EXOC6B: variants seen among roughly 807,000 people sequenced by gnomAD.
The protein encoded by EXOC6B is SEC15 homolog B.
EXOC6B carries 54 observed loss-of-function variants against 113.5 expected under a neutral mutation model. The observed-to-expected ratio is 0.48, with a 90% CI of 0.38 to 0.60. The LOEUF (loss-of-function observed/expected upper bound fraction) is 0.60, where lower values mean the gene tolerates loss of function less well. Ranked by LOEUF, EXOC6B falls within the 20% of genes least tolerant of loss-of-function variation. EXOC6B has a pLI of 0.00. For missense variants in EXOC6B, 797 were observed against 977.5 expected (o/e 0.82, Z 2.46); for synonymous variants, 357 against 339.0 (o/e 1.05, Z -0.58).
chr2:72,777,863 G>T (rs998306921), intron 1 of EXOC6B, among the ~76,000 whole-genome samples: 1 of 151,956 alleles, frequency 6.6e-6, no homozygotes, highest in Non-Finnish European at 1.5e-5. Flanking sequence ...AACTAAATTG[G>T]TATCAAACCA....
At chr2:72,700,365 T>C (rs114738283) in intron 6 of EXOC6B, among the ~76,000 whole-genome samples, 2,216 of 152,108 alleles carry the variant, frequency 0.015, 25 homozygotes, top group Non-Finnish European at 0.025. Context: ...CTTAAGGAAA[T>C]TGAAGAACAG....
At chr2:72,512,976 A>G (rs1701022946) in intron 11 of EXOC6B, among the ~76,000 whole-genome samples, 156 bp downstream of exon 11, 1 of 152,134 alleles carries the variant, frequency 6.6e-6, no homozygotes, top group African/African-American at 2.4e-5. Flanking sequence ...AGAAAATGTG[A>G]TAATTTGAAG....
intron 8 of EXOC6B, 177 bp from the exon 9 acceptor site, chr2:72,515,303 AC>A: frequency 1.2e-6 from 1 of 851,608 alleles, no homozygotes; most frequent in Admixed American, 2.9e-5. Context: ...CATGTATTGA[AC>A]CTTAGTTACA....
intron 20 of EXOC6B, among the ~76,000 whole-genome samples, chr2:72,244,712 G>T (rs1682544317): frequency 6.6e-6 from 1 of 151,786 alleles, no homozygotes; most frequent in Admixed American, 6.6e-5. Flanking sequence ...ATGAAAAAGG[G>T]GCTATCATGA....
chr2:72,277,691 AC>A (rs1285683921), intron 20 of EXOC6B, among the ~76,000 whole-genome samples: 1 of 151,978 alleles, frequency 6.6e-6, no homozygotes, highest in Non-Finnish European at 1.5e-5. Flanking sequence ...GTGAGGTTTC[AC>A]CATGTCAGAC....
At chr2:72,667,654 G>A (rs760769633) in intron 6 of EXOC6B, among the ~76,000 whole-genome samples, 6 of 152,120 alleles carry the variant, frequency 3.9e-5, no homozygotes, top group Non-Finnish European at 7.4e-5. Flanking sequence ...ATGGTACTGG[G>A]ATAACTGGTT....
intron 6 of EXOC6B, among the ~76,000 whole-genome samples, chr2:72,668,462 A>C (rs1210914898): frequency 6.6e-6 from 1 of 151,982 alleles, no homozygotes; most frequent in East Asian, 1.9e-4. Context: ...AAAAAAATGC[A>C]ACCCATATCT....
chr2:72,522,806 G>A (rs368786879), intron 8 of EXOC6B, among the ~76,000 whole-genome samples: 5 of 152,016 alleles, frequency 3.3e-5, no homozygotes, highest in Admixed American at 1.3e-4. Flanking sequence ...ACATATACAC[G>A]CATATAAATA....
chr2:72,461,988 A>C (rs1305637246), intron 18 of EXOC6B: 1 of 152,080 alleles, frequency 6.6e-6, no homozygotes, highest in Non-Finnish European at 1.5e-5. Flanking sequence ...TTTTGCTTAC[A>C]AATGAATTTC....
rs188671237 is a variant in EXOC6B at position 72,766,309 on chromosome 2, C to T, written c.114-24840G>A. On this transcript the variant is annotated intron_variant, in intron 1 of 21. Transcript: ENST00000272427. ...AAAAGTGGGAGCAGAGGGGAGGGAC[C>T]TTCACTTAAGGAAGAAAACACTATC... Among the ~76,000 whole-genome samples the T allele has an allele frequency of 7.2e-5, 11 of 152,240 alleles. 1 individual carries two copies. The highest frequency in any genetic ancestry group is 7.2e-4 in the Admixed American group (11 of 15,286).
chr2:72,657,075 T>G (rs1277187251), intron 6 of EXOC6B, among the ~76,000 whole-genome samples: 1 of 152,078 alleles, frequency 6.6e-6, no homozygotes, highest in Admixed American at 6.6e-5. Context: ...GATCTTGAAC[T>G]CCCGACCTCA....
chr2:72,363,641 A>T (rs1690449933), intron 19 of EXOC6B, among the ~76,000 whole-genome samples: 1 of 152,064 alleles, frequency 6.6e-6, no homozygotes, highest in African/African-American at 2.4e-5. Flanking sequence ...AAATAGGAGC[A>T]GCTAATAATT....
chr2:72,318,976 C>T lies in EXOC6B; in HGVS notation c.2196+15971G>A, dbSNP rs182278368. 1.4e-3 allele frequency among the ~76,000 whole-genome samples: 216 copies of T among 150,952 alleles called. 1 individual carries two copies. Among genetic ancestry groups the T allele is most frequent in the Admixed American group, 6.8e-3 (103 of 15,170 alleles). ...AAAACTGATGCATGATTATACTTCC[C>T]GAAATAATTTAAATTGGTATAACCC... is the stretch of plus-strand genomic sequence containing the variant. On this transcript the variant is annotated intron_variant, in intron 20 of 21. Coordinates refer to ENST00000272427, the MANE Select transcript of EXOC6B (RefSeq NM_015189.3).
intron 11 of EXOC6B, among the ~76,000 whole-genome samples, chr2:72,500,828 A>G (rs146267488): frequency 6.6e-6 from 1 of 152,296 alleles, no homozygotes; most frequent in East Asian, 1.9e-4. Context: ...TGGTCTCTCA[A>G]GTCCTGAAAG....
At chr2:72,397,060 T>A (rs1398670736) in intron 18 of EXOC6B, among the ~76,000 whole-genome samples, 1 of 152,070 alleles carries the variant, frequency 6.6e-6, no homozygotes, top group East Asian at 1.9e-4. Context: ...TAATAATCCA[T>A]GGCAATTACA....
intron 6 of EXOC6B, among the ~76,000 whole-genome samples, chr2:72,589,294 C>T (rs1045475173): frequency 6.6e-6 from 1 of 151,664 alleles, no homozygotes; most frequent in African/African-American, 2.4e-5. Flanking sequence ...TTTTTAAAAC[C>T]ACAACACTTT....
intron 20 of EXOC6B, among the ~76,000 whole-genome samples, chr2:72,208,952 G>A (rs934350318): frequency 6.6e-6 from 1 of 151,974 alleles, no homozygotes; most frequent in African/African-American, 2.4e-5. Flanking sequence ...TGCTGGGCAC[G>A]GTGGCTCATG....
intron 8 of EXOC6B, among the ~76,000 whole-genome samples, chr2:72,538,076 C>T (rs1380719513): frequency 6.6e-6 from 1 of 151,550 alleles, no homozygotes; most frequent in African/African-American, 2.4e-5. Context: ...TCCCACCTCA[C>T]CTCCCAAAGT....
At chr2:72,355,904 T>A (rs1284431251) in intron 19 of EXOC6B, among the ~76,000 whole-genome samples, 3 of 152,200 alleles carry the variant, frequency 2.0e-5, no homozygotes, top group African/African-American at 7.2e-5. Context: ...TTTATTGGGT[T>A]CAAACTTCCT....
Sources: gnomAD v4.1 joint callset for allele counts (sites outside exome capture counted in the v4.1 genomes callset) on GRCh38, gnomAD v4.1.1 for gene constraint, MANE v1.5 for transcripts, NCBI Gene and HGNC (gene_info 2026-07-23, HGNC 2026-07-21) for gene names.